Variants in PTPRJ observed in about 807,000 individuals in gnomAD.
The protein encoded by PTPRJ is receptor-type tyrosine-protein phosphatase eta.
In PTPRJ, 129 loss-of-function variants were observed where a neutral mutation model predicts 141.3. The ratio of observed to expected loss-of-function variants is 0.91; its 90% CI spans 0.79 to 1.06. PTPRJ has a LOEUF of 1.06. PTPRJ is among the 50% of genes least tolerant of loss of function. The pLI, the probability that PTPRJ is intolerant of heterozygous loss-of-function variation, is 0.00. For missense variants in PTPRJ, 1,601 were observed against 1,679.7 expected (o/e 0.95, Z 0.82); for synonymous variants, 610 against 640.5 (o/e 0.95, Z 0.72).
Position 48,167,596 on chromosome 11 carries a change from G to A in PTPRJ, c.*234G>A, listed in dbSNP as rs1203487228. 5.2e-6 allele frequency: 2 copies of A among 386,870 alleles called. No homozygotes were observed. The highest frequency in any genetic ancestry group is 4.5e-5 in the Admixed American group (1 of 22,420). 24.0% of individuals were successfully genotyped at this position (386,870 alleles called of 1,614,324 possible). On this transcript the variant is annotated 3_prime_UTR_variant, in exon 25 of 25. Coordinates refer to ENST00000418331, the MANE Select transcript of PTPRJ (RefSeq NM_002843.4). Reference sequence around the variant, plus strand: ...GCATTCCTGATGACCAATGGGATGAGGTCACTTTTTTTTTTTTTCCCCCTT... The same window carrying A: ...GCATTCCTGATGACCAATGGGATGAAGTCACTTTTTTTTTTTTTCCCCCTT...
intron 1 of PTPRJ, among the ~76,000 whole-genome samples, chr11:48,018,765 T>C (rs1466567785): frequency 6.6e-6 from 1 of 152,070 alleles, no homozygotes. Context: ...GAGCTTTGGA[T>C]TTGAGTAAGT....
At chr11:48,160,770 A>T (rs542464957) in intron 22 of PTPRJ, among the ~76,000 whole-genome samples, 1 of 152,304 alleles carries the variant, frequency 6.6e-6, no homozygotes, top group East Asian at 1.9e-4. Flanking sequence ...TCTCAGCATT[A>T]TTTATAATAG....
At chr11:48,016,289 A>G (rs578183248) in intron 1 of PTPRJ, among the ~76,000 whole-genome samples, 7 of 152,206 alleles carry the variant, frequency 4.6e-5, no homozygotes, top group Non-Finnish European at 8.8e-5. Flanking sequence ...TGTTCTTCAC[A>G]GCTGCTTCCC....
chr11:48,058,613 C>G (rs1176067806), intron 1 of PTPRJ, among the ~76,000 whole-genome samples: 1 of 152,166 alleles, frequency 6.6e-6, no homozygotes, highest in East Asian at 1.9e-4. Flanking sequence ...TACTACTTCT[C>G]ACCTCTCCCC....
intron 1 of PTPRJ, among the ~76,000 whole-genome samples, chr11:48,098,859 T>C (rs1024489855): frequency 3.3e-5 from 5 of 152,216 alleles, no homozygotes; most frequent in Admixed American, 2.0e-4. Context: ...TTCCTTCCCA[T>C]GTCTTATCCA....
At chr11:48,122,927 A>T (rs1439579493) in intron 4 of PTPRJ, among the ~76,000 whole-genome samples, 2 of 152,042 alleles carry the variant, frequency 1.3e-5, no homozygotes, top group African/African-American at 2.4e-5. Flanking sequence ...TCCTGTCCCC[A>T]CTGCTACCAG....
At position 48,089,515 on chromosome 11, in the gene PTPRJ, C is replaced by CAA. The variant is rs56252336; in HGVS notation, c.97-20527_97-20526dup. On this transcript the variant is annotated intron_variant, in intron 1 of 24. Transcript: ENST00000418331. The stretch of plus-strand genomic sequence containing the variant: ...TGGGCAACGGAGCGAGACTCCATCT[C>CAA]AAAAAAAAAAAAAAAAACAAAAAAA... Among the ~76,000 whole-genome samples the CAA allele has an allele frequency of 6.6e-4, 77 of 116,610 alleles. 1 individual carries two copies. Among genetic ancestry groups the CAA allele is most frequent in the Middle Eastern group, 4.2e-3 (1 of 236 alleles). 76.5% of individuals were successfully genotyped at this position (116,610 alleles called of 152,430 possible). A position where few individuals can be genotyped will look rare whatever the true frequency, so the allele number is the denominator to read the frequency against.
intron 1 of PTPRJ, among the ~76,000 whole-genome samples, chr11:48,083,588 A>G (rs1317566872): frequency 6.6e-6 from 1 of 152,176 alleles, no homozygotes. Context: ...ACTAGTACTT[A>G]CTACTACCTG....
At position 48,123,805 on chromosome 11, in the gene PTPRJ, T is replaced by G; in HGVS notation, c.809T>G (p.Ile270Ser). 10 of 1,614,076 alleles carry G rather than the reference T, an allele frequency of 6.2e-6. No individual in the cohort carries two copies. Among genetic ancestry groups the G allele is most frequent in the Non-Finnish European group, 8.5e-6 (10 of 1,179,970 alleles). Residue 270 changes from isoleucine (I) to serine (S), a missense_variant, in exon 5 of 25, where the codon ATC becomes AGC. Ile to Ser is a moderately radical substitution (Grantham distance 142, BLOSUM62 -2). Coordinates refer to ENST00000418331, the MANE Select transcript of PTPRJ (RefSeq NM_002843.4). Reference protein sequence around the residue: ...SGLKPGVQYNINPYLLQSNKT... With the variant: ...SGLKPGVQYNSNPYLLQSNKT... ...CTGAAGCCAGGGGTTCAATACAACA[T>G]CAACCCGTATCTTCTACAATCAAAT...
chr11:48,156,575 GGTTT>G lies in PTPRJ; in HGVS notation c.3438+457_3438+460del, dbSNP rs1857610309. On this transcript the variant is annotated intron_variant, in intron 21 of 24. Coordinates refer to ENST00000418331, the MANE Select transcript of PTPRJ (RefSeq NM_002843.4). The stretch of plus-strand genomic sequence containing the variant: ...TGAACCCCTCCTGCCTCCACCCCAG[GGTTT>G]TTTTTTTTTTTTTTTTTTTTTTTTT... Among the ~76,000 whole-genome samples the G allele has an allele frequency of 3.2e-5, 4 of 123,544 alleles. 1 individual carries two copies. The highest frequency in any genetic ancestry group is 1.2e-4 in the African/African-American group (4 of 33,034). 81.0% of individuals were successfully genotyped at this position (123,544 alleles called of 152,430 possible). A position where few individuals can be genotyped will look rare whatever the true frequency, so the allele number is the denominator to read the frequency against.
intron 1 of PTPRJ, among the ~76,000 whole-genome samples, chr11:48,100,324 G>C (rs1233784370): frequency 6.6e-6 from 1 of 152,152 alleles, no homozygotes; most frequent in Admixed American, 6.6e-5. Context: ...TAGTGAGGCA[G>C]CTCACCTCTC....
At chr11:48,129,829 T>G (rs1242234778) in intron 7 of PTPRJ, among the ~76,000 whole-genome samples, 1 of 152,094 alleles carries the variant, frequency 6.6e-6, no homozygotes, top group African/African-American at 2.4e-5. Flanking sequence ...AGTCATTGCA[T>G]CCACACTACA....
chr11:48,130,792 C>A, intron 8 of PTPRJ, 76 bp downstream of exon 8: 3 of 1,355,178 alleles, frequency 2.2e-6, no homozygotes, highest in South Asian at 1.8e-5. Context: ...CATAATGTTT[C>A]CAAATATTGT....
chr11:48,138,382 G>A (rs745788263), intron 10 of PTPRJ, among the ~76,000 whole-genome samples: 1 of 152,208 alleles, frequency 6.6e-6, no homozygotes, highest in Non-Finnish European at 1.5e-5. Context: ...ATGACTGGGT[G>A]TGGGTGGAAC....
At position 48,145,049 on chromosome 11, in the gene PTPRJ, G is replaced by A. The variant is rs1370699318; in HGVS notation, c.2836G>A (p.Gly946Arg). The A allele has an allele frequency of 6.2e-7, 1 of 1,614,148 alleles. No individual in the cohort carries two copies. The highest frequency in any genetic ancestry group is 2.2e-5 in the East Asian group (1 of 44,888). The change falls in exon 14 of 25, where the codon GGG becomes AGG. Residue 946 changes from glycine (G) to arginine (R), a missense_variant. Transcript: ENST00000418331. ...TNITFHPQNK[G>R]LIDGAESYVS... ...CATTACCTTCCACCCTCAAAACAAG[G>A]GGCTCATTGATGGGGCTGAGAGCTA...
intron 1 of PTPRJ, among the ~76,000 whole-genome samples, chr11:48,070,060 A>G (rs982434417): frequency 6.6e-6 from 1 of 152,224 alleles, no homozygotes; most frequent in Admixed American, 6.5e-5. Context: ...CCATATCTCA[A>G]TAAGCTCTCC....
chr11:48,151,622 G>A (rs547828360), intron 18 of PTPRJ, among the ~76,000 whole-genome samples: 5 of 120,560 alleles, frequency 4.1e-5, no homozygotes, highest in South Asian at 2.8e-4. Context: ...GACAGGCCCC[G>A]GTGTGTGATG....
At chr11:48,091,803 A>G (rs1381008633) in intron 1 of PTPRJ, among the ~76,000 whole-genome samples, 1 of 152,186 alleles carries the variant, frequency 6.6e-6, no homozygotes, top group African/African-American at 2.4e-5. Context: ...GTTATTTCAA[A>G]GGATGGTGTC....
In PTPRJ at chr11:48,123,801, A is replaced by G. The variant is rs768815775; in HGVS notation, c.805A>G (p.Asn269Asp). The G allele has an allele frequency of 1.2e-6, 2 of 1,613,962 alleles. No homozygotes were observed. ...GGGCCTGAAGCCAGGGGTTCAATAC[A>G]ACATCAACCCGTATCTTCTACAATC... ...ISGLKPGVQY[N>D]INPYLLQSNK... The change falls in exon 5 of 25, where the codon AAC (asparagine) becomes GAC (aspartate). Residue 269 changes from asparagine (N) to aspartate (D), a missense_variant. Physicochemically the swap from Asn to Asp is conservative, Grantham distance 23 (BLOSUM62 1). Coordinates refer to ENST00000418331, the MANE Select transcript of PTPRJ (RefSeq NM_002843.4).
Sources: allele counts gnomAD v4.1 joint callset (sites outside exome capture counted in the v4.1 genomes callset), GRCh38; gene constraint gnomAD v4.1.1; transcripts MANE v1.5; gene names NCBI Gene and HGNC (gene_info 2026-07-23, HGNC 2026-07-21).